Variants in CKM observed in about 807,000 individuals in gnomAD.
The protein encoded by CKM is creatine kinase M-type.
A neutral mutation model predicts 35.4 loss-of-function variants in CKM; 28 were observed. The observed-to-expected ratio is 0.79, with a 90% CI of 0.59 to 1.08. The LOEUF is 1.08. Ranked by LOEUF, CKM falls within the 50% of genes least tolerant of loss-of-function variation. CKM has a pLI of 0.00. For missense variants in CKM, 484 were observed against 509.8 expected (o/e 0.95, Z 0.49); for synonymous variants, 215 against 204.4 (o/e 1.05, Z -0.44).
At chr19:45,312,713 G>A (rs1241419150) in intron 4 of CKM, among the ~76,000 whole-genome samples, 1 of 151,982 alleles carries the variant, frequency 6.6e-6, no homozygotes, top group Non-Finnish European at 1.5e-5. Context: ...CAGCACTTTG[G>A]GAGGCCAAGG....
chr19:45,307,661 G>C lies in CKM; in HGVS notation c.778-11C>G. 6.2e-7 allele frequency: 1 copy of C among 1,613,112 alleles called. No individual in the cohort carries two copies. Among genetic ancestry groups the C allele is most frequent in the Non-Finnish European group, 8.5e-7 (1 of 1,179,642 alleles). On this transcript the variant is annotated splice_polypyrimidine_tract_variant and intron_variant, in intron 6 of 7. Coordinates refer to ENST00000221476, the MANE Select transcript of CKM (RefSeq NM_001824.5). ...AAAGATCTCCTCAATCTGAGGTTCA[G>C]AGAGAGGACCAGGGGTCAGCGCCGG... is the stretch of plus-strand genomic sequence containing the variant.
At chr19:45,308,307 G>T (rs2123130720) in intron 6 of CKM, 102 bp downstream of exon 6, 1 of 1,447,608 alleles carries the variant, frequency 6.9e-7, no homozygotes, top group Non-Finnish European at 9.6e-7. Context: ...CCTGGAAAAT[G>T]GGTGGGGCAG....
intron 5 of CKM, among the ~76,000 whole-genome samples, chr19:45,309,541 G>A (rs1183573090): frequency 7.7e-6 from 1 of 129,980 alleles, no homozygotes; most frequent in African/African-American, 3.0e-5. Flanking sequence ...GGGCAACAGA[G>A]CAAGACCCTG....
intron 1 of CKM, among the ~76,000 whole-genome samples, chr19:45,321,142 G>A (rs984077241): frequency 2.0e-5 from 3 of 151,432 alleles, no homozygotes; most frequent in African/African-American, 7.3e-5. Context: ...GAACTCAAGT[G>A]ATCCGCCCAC....
rs952449545 is a variant in CKM, at chr19:45,308,641, G to A, written c.654-109C>T. The A allele has an allele frequency of 2.1e-6, 3 of 1,428,454 alleles. No homozygotes were observed. In the African/African-American group the frequency reaches 4.2e-5, roughly 20 times the overall value. The allele number at this position is 1,428,454 out of a possible 1,614,324, so 88.5% of individuals were successfully genotyped here. On this transcript the variant is annotated intron_variant, in intron 5 of 7. Coordinates refer to ENST00000221476, the MANE Select transcript of CKM (RefSeq NM_001824.5). Reference sequence around the variant, plus strand: ...ACCGATGGGGGAAGAGGGCCTGAGGGGTGGGAGGTGGGTGGCATCTGCCTC... The same window carrying A: ...ACCGATGGGGGAAGAGGGCCTGAGGAGTGGGAGGTGGGTGGCATCTGCCTC...
intron 4 of CKM, among the ~76,000 whole-genome samples, chr19:45,312,860 A>C (rs1971122789): frequency 6.6e-6 from 1 of 151,788 alleles, no homozygotes; most frequent in South Asian, 2.1e-4. Context: ...AGGCTGAGGC[A>C]CGAGAAACAC....
Position 45,322,829 on chromosome 19 carries a change from G to C in CKM, c.-27C>G. On this transcript the variant is annotated 5_prime_UTR_variant, in exon 1 of 8. Transcript: ENST00000221476. Reference sequence around the variant, plus strand: ...CCCGCCCCGTGCAGTACCTGGCTGGGCTGGGCTGAAGGGGGGCTGTCTGTA... The same window carrying C: ...CCCGCCCCGTGCAGTACCTGGCTGGCCTGGGCTGAAGGGGGGCTGTCTGTA... 1 of 986,046 alleles carries C rather than the reference G, an allele frequency of 1.0e-6. No individual in the cohort carries two copies. Among genetic ancestry groups the C allele is most frequent in the Non-Finnish European group, 1.2e-6 (1 of 830,466 alleles). The allele number at this position is 986,046 out of a possible 1,614,324, so 61.1% of individuals were successfully genotyped here.
In CKM at chr19:45,308,479, C is replaced by A; in HGVS notation, c.707G>T (p.Arg236Leu). The change falls in exon 6 of 8, where the codon CGG becomes CTG. Residue 236 changes from arginine (R) to leucine (L), a missense_variant. Arg to Leu is a moderately radical substitution (Grantham distance 102). Transcript: ENST00000221476. Reference protein sequence around the residue: ...LVWVNEEDHLRVISMEKGGNM... With the variant: ...LVWVNEEDHLLVISMEKGGNM... ...GCCCCCCTTCTCCATGGAGATGACC[C>A]GGAGGTGATCCTCCTCGTTCACCCA... 4 of 1,614,054 alleles carry A rather than the reference C, an allele frequency of 2.5e-6. No homozygotes were observed. The highest frequency in any genetic ancestry group is 2.5e-6 in the Non-Finnish European group (3 of 1,179,950).
At chr19:45,312,653 T>TA (rs111260187) in intron 4 of CKM, among the ~76,000 whole-genome samples, 4,175 of 144,876 alleles carry the variant, frequency 0.029, 167 homozygotes, top group African/African-American at 0.092. Context: ...CCCCAATCTT[T>TA]AAAAAAAAAA....
chr19:45,316,329 CA>C (rs57770481), intron 3 of CKM, among the ~76,000 whole-genome samples: 349 of 120,960 alleles, frequency 2.9e-3, no homozygotes, highest in East Asian at 5.7e-3. Context: ...GATTCTGTCT[CA>C]AAAAAAAAAA....
rs934584917 is a variant in CKM, at chr19:45,306,523, G to A, written c.*227C>T. The A allele has an allele frequency of 6.9e-6, 4 of 580,514 alleles. No homozygotes were observed. The highest frequency in any genetic ancestry group is 4.1e-5 in the South Asian group (2 of 49,086). The allele number at this position is 580,514 out of a possible 1,614,324, so 36.0% of individuals were successfully genotyped here. A position where few individuals can be genotyped will look rare whatever the true frequency, so the allele number is the denominator to read the frequency against. ...GCTCCTGGTTGGGGTGGAGCTCTGG[G>A]AAAAGAAGAGGACCCTGCCAGGGAG... On this transcript the variant is annotated 3_prime_UTR_variant, in exon 8 of 8. Coordinates refer to ENST00000221476, the MANE Select transcript of CKM (RefSeq NM_001824.5). The surrounding 1 kb of genome is among the most constrained non-coding windows in gnomAD (Gnocchi z 4.5).
intron 6 of CKM, among the ~76,000 whole-genome samples, chr19:45,307,883 T>TC: frequency 6.7e-6 from 1 of 148,966 alleles, no homozygotes; most frequent in Non-Finnish European, 1.5e-5. Flanking sequence ...TTTTTTTTTT[T>TC]TCCAGAGTCT....
At position 45,315,498 on chromosome 19, in the gene CKM, C is replaced by T. The variant is rs1396000138; in HGVS notation, c.448G>A (p.Glu150Lys). The change falls in exon 4 of 8, where the codon GAG (glutamate) becomes AAG (lysine). Residue 150 changes from glutamate to lysine, a missense_variant. Glu to Lys is a moderately conservative substitution (Grantham distance 56). Transcript: ENST00000221476. ...YTLPPHCSRGERRAVEKLSVE... is the reference protein window; with the variant it reads ...YTLPPHCSRGKRRAVEKLSVE... Reference sequence around the variant, plus strand: ...GAGAGCTTCTCCACCGCCCGGCGCTCGCCACGGGAGCAGTGTGGGGGCAAC... The same window carrying T: ...GAGAGCTTCTCCACCGCCCGGCGCTTGCCACGGGAGCAGTGTGGGGGCAAC... The T allele has an allele frequency of 3.1e-6, 5 of 1,599,844 alleles. No individual in the cohort carries two copies. Among genetic ancestry groups the T allele is most frequent in the Admixed American group, 1.7e-5 (1 of 59,964 alleles).
chr19:45,307,496 A>G lies in CKM; in HGVS notation c.932T>C (p.Ile311Thr), dbSNP rs768246830. Residue 311 changes from isoleucine to threonine, a missense_variant, in exon 7 of 8, where the codon ATC (isoleucine) becomes ACC (threonine). Physicochemically the swap from Ile to Thr is moderately conservative, Grantham distance 89. Transcript: ENST00000221476. ...HLSKHPKFEE[I>T]LTRLRLQKRG... Reference sequence around the variant, plus strand: ...CTTCTGCAGACGCAGGCGGGTGAGGATCTCCTCGAACTTGGGGTGCTTGCT... The same window carrying G: ...CTTCTGCAGACGCAGGCGGGTGAGGGTCTCCTCGAACTTGGGGTGCTTGCT... The G allele has an allele frequency of 1.2e-6, 2 of 1,613,654 alleles. No homozygotes were observed. The highest frequency in any genetic ancestry group is 1.7e-6 in the Non-Finnish European group (2 of 1,179,858).
At chr19:45,314,905 T>A (rs554974734) in intron 4 of CKM, among the ~76,000 whole-genome samples, 2 of 151,560 alleles carry the variant, frequency 1.3e-5, no homozygotes, top group Non-Finnish European at 2.9e-5. Context: ...AGAGACAGGG[T>A]CTTGCTGTAT....
intron 6 of CKM, 133 bp downstream of exon 6, chr19:45,308,276 G>A (rs1253582623): frequency 6.2e-6 from 7 of 1,122,386 alleles, no homozygotes; most frequent in Non-Finnish European, 9.0e-6. Context: ...ATGGGGTGGA[G>A]CCAGGTCCGG....
At chr19:45,320,105 G>A (rs1971199831) in intron 1 of CKM, among the ~76,000 whole-genome samples, 1 of 148,782 alleles carries the variant, frequency 6.7e-6, no homozygotes, top group Non-Finnish European at 1.5e-5. Context: ...TCTTTTTTTT[G>A]AGATGGAGTC....
rs1971054223 is a variant in CKM, at chr19:45,306,663, G to A, written c.*87C>T. ...CAGGTGGGACTCTGGGACAGGGGGCGGGGCGAGGAGTGAGGGAGCAGGACT... is the reference window on the plus strand; with the variant it reads ...CAGGTGGGACTCTGGGACAGGGGGCAGGGCGAGGAGTGAGGGAGCAGGACT... On this transcript the variant is annotated 3_prime_UTR_variant, in exon 8 of 8. Transcript: ENST00000221476. This position sits in a 1 kb window ranked among gnomAD's most constrained non-coding sequence, Gnocchi z 4.5. The A allele has an allele frequency of 4.3e-6, 6 of 1,404,932 alleles. No individual in the cohort carries two copies. Among genetic ancestry groups the A allele is most frequent in the Non-Finnish European group, 6.0e-6 (6 of 998,744 alleles). The allele number at this position is 1,404,932 out of a possible 1,614,324, so 87.0% of individuals were successfully genotyped here.
Position 45,306,507 on chromosome 19 carries a change from T to A in CKM, c.*243A>T. ...CTCTCCATTAACTAGAGCTCCTGGT[T>A]GGGGTGGAGCTCTGGGAAAAGAAGA... is the stretch of plus-strand genomic sequence containing the variant. On this transcript the variant is annotated 3_prime_UTR_variant, in exon 8 of 8. Coordinates refer to ENST00000221476, the MANE Select transcript of CKM (RefSeq NM_001824.5). This position sits in a 1 kb window ranked among gnomAD's most constrained non-coding sequence, Gnocchi z 4.5. 3.6e-6 allele frequency: 2 copies of A among 559,590 alleles called. No homozygotes were observed. Among genetic ancestry groups the A allele is most frequent in the Non-Finnish European group, 3.2e-6 (1 of 310,934 alleles). The allele number at this position is 559,590 out of a possible 1,614,324, so 34.7% of individuals were successfully genotyped here. A position where few individuals can be genotyped will look rare whatever the true frequency, so the allele number is the denominator to read the frequency against.
Sources: allele counts gnomAD v4.1 joint callset (sites outside exome capture counted in the v4.1 genomes callset), GRCh38; gene constraint gnomAD v4.1.1; non-coding constraint Gnocchi (gnomAD v3.1); transcripts MANE v1.5; gene names NCBI Gene and HGNC (gene_info 2026-07-23, HGNC 2026-07-21).